Variants in LRRC4C observed in about 807,000 individuals in gnomAD.
LRRC4C encodes the protein leucine-rich repeat-containing protein 4C.
A neutral mutation model predicts 33.6 loss-of-function variants in LRRC4C; 5 were observed. That is an observed-to-expected ratio of 0.15 (90% CI 0.08 to 0.31). LRRC4C has a LOEUF of 0.31. Among genes scored for constraint, LRRC4C ranks in the 10% least tolerant of loss-of-function variants. The pLI, the probability that LRRC4C is intolerant of heterozygous loss-of-function variation, is 1.00. For synonymous variants in LRRC4C, 329 were observed against 302.0 expected (o/e 1.09, Z -0.93); for missense variants, 560 against 796.7 (o/e 0.70, Z 3.58).
At chr11:40,127,490 G>A (rs886662197) in intron 6 of LRRC4C, among the ~76,000 whole-genome samples, 3 of 152,024 alleles carry the variant, frequency 2.0e-5, no homozygotes, top group African/African-American at 7.2e-5. Flanking sequence ...GAGGGGCACT[G>A]CAAGCCTAAC....
At chr11:41,363,082 C>A (rs1900524) in intron 1 of LRRC4C, among the ~76,000 whole-genome samples, 26,532 of 152,166 alleles carry the variant, frequency 0.17, 2,654 homozygotes, top group East Asian at 0.43. Context: ...TCCTGTCCAT[C>A]ATGATGTCAC....
chr11:40,841,436 A>C (rs1952907803), intron 2 of LRRC4C, among the ~76,000 whole-genome samples: 1 of 152,210 alleles, frequency 6.6e-6, no homozygotes, highest in South Asian at 2.1e-4. Context: ...CCTCTAAAGG[A>C]AGTAATTCAG....
chr11:40,481,848 A>T (rs897354336), intron 3 of LRRC4C, among the ~76,000 whole-genome samples: 3 of 152,218 alleles, frequency 2.0e-5, no homozygotes, highest in African/African-American at 7.2e-5. Flanking sequence ...ACAAAATAAA[A>T]TGTCTTTAAA....
chr11:40,803,928 T>C (rs532279352), intron 2 of LRRC4C, among the ~76,000 whole-genome samples: 1 of 152,352 alleles, frequency 6.6e-6, no homozygotes, highest in South Asian at 2.1e-4. Context: ...AATCCAATTG[T>C]ACTTTTTTAG....
At position 40,984,893 on chromosome 11, in the gene LRRC4C, C is replaced by CTTTTTTTTTTTTTTTTTTTTTTTTTTT. The variant is rs562785410; in HGVS notation, c.-495-51171_-495-51170insAAAAAAAAAAAAAAAAAAAAAAAAAAA. 1.1e-4 allele frequency among the ~76,000 whole-genome samples: 6 copies of CTTTTTTTTTTTTTTTTTTTTTTTTTTT among 52,270 alleles called. 2 individuals carry two copies. The highest frequency in any genetic ancestry group is 6.1e-4 in the Admixed American group (2 of 3,276). 34.3% of individuals were successfully genotyped at this position (52,270 alleles called of 152,430 possible). On this transcript the variant is annotated intron_variant, in intron 1 of 6. Coordinates refer to ENST00000528697, the MANE Select transcript of LRRC4C (RefSeq NM_001258419.2). ...CACGACAACTCTGTTCTCACTGACA[C>CTTTTTTTTTTTTTTTTTTTTTTTTTTT]TTTTTTTTTTTTTTTTTTTTTTTTT...
intron 1 of LRRC4C, among the ~76,000 whole-genome samples, chr11:41,207,204 T>G (rs1163440688): frequency 8.5e-5 from 13 of 152,124 alleles, no homozygotes; most frequent in Non-Finnish European, 1.6e-4. Flanking sequence ...TACAATCACA[T>G]GGGGAGATTT....
intron 1 of LRRC4C, among the ~76,000 whole-genome samples, chr11:41,279,422 A>ACCC (rs1178054658): frequency 1.4e-5 from 2 of 138,424 alleles, no homozygotes; most frequent in Admixed American, 7.3e-5. Context: ...ACACACACAC[A>ACCC]CACACACCGT....
At chr11:40,400,462 T>C (rs1237514000) in intron 3 of LRRC4C, among the ~76,000 whole-genome samples, 1 of 152,144 alleles carries the variant, frequency 6.6e-6, no homozygotes, top group Non-Finnish European at 1.5e-5. Context: ...TATCTCTCTA[T>C]TTATAGTAAT....
At chr11:40,869,712 G>C (rs1052723559) in intron 2 of LRRC4C, among the ~76,000 whole-genome samples, 4 of 152,116 alleles carry the variant, frequency 2.6e-5, no homozygotes, top group African/African-American at 7.2e-5. Context: ...CTCACCCCAA[G>C]AGAAGAATCA....
chr11:41,235,610 G>A (rs748084556), intron 1 of LRRC4C, among the ~76,000 whole-genome samples: 26 of 152,122 alleles, frequency 1.7e-4, no homozygotes, highest in East Asian at 1.9e-4. Flanking sequence ...CAACCAGTAC[G>A]TCTGAAAATT....
At chr11:41,075,027 T>TATTTTATTTTTTA (rs1555064841) in intron 1 of LRRC4C, among the ~76,000 whole-genome samples, 3 of 102,974 alleles carry the variant, frequency 2.9e-5, no homozygotes, top group African/African-American at 4.4e-5. Context: ...TTTTTTTTTT[T>TATTTTATTTTTTA]TTTTTTTTTA....
At chr11:40,860,536 C>A (rs570452434) in intron 2 of LRRC4C, among the ~76,000 whole-genome samples, 1 of 152,278 alleles carries the variant, frequency 6.6e-6, no homozygotes, top group South Asian at 2.1e-4. Flanking sequence ...GCCAAGCGAT[C>A]TTTGGAGTCC....
chr11:40,581,452 G>A lies in LRRC4C; in HGVS notation c.-270+66690C>T, dbSNP rs546272546. On this transcript the variant is annotated intron_variant, in intron 3 of 6. Transcript: ENST00000528697. Reference sequence around the variant, plus strand: ...TAAACCTCGCTCATGTTCTTAGCAGGGTTGCAGCTCATTCTTTTTCTTTGT... The same window carrying A: ...TAAACCTCGCTCATGTTCTTAGCAGAGTTGCAGCTCATTCTTTTTCTTTGT... 2.0e-5 allele frequency among the ~76,000 whole-genome samples: 3 copies of A among 152,154 alleles called. No homozygotes were observed. In the South Asian group the frequency reaches 6.2e-4, roughly 32 times the overall value.
chr11:40,904,332 T>C (rs1956329503), intron 2 of LRRC4C, among the ~76,000 whole-genome samples: 1 of 152,190 alleles, frequency 6.6e-6, no homozygotes, highest in South Asian at 2.1e-4. Flanking sequence ...AAACCCAATC[T>C]ACACAGCTTT....
chr11:41,096,188 A>G (rs1359558372), intron 1 of LRRC4C, among the ~76,000 whole-genome samples: 1 of 152,184 alleles, frequency 6.6e-6, no homozygotes, highest in Admixed American at 6.5e-5. Context: ...TATATTTACA[A>G]AGCACAGAAT....
At chr11:40,642,014 C>T (rs888855051) in intron 3 of LRRC4C, among the ~76,000 whole-genome samples, 2 of 135,728 alleles carry the variant, frequency 1.5e-5, no homozygotes, top group African/African-American at 5.5e-5. Flanking sequence ...CTTGTCACCA[C>T]AGGCTGCTTT....
At chr11:40,644,663 A>G (rs573874111) in intron 3 of LRRC4C, among the ~76,000 whole-genome samples, 1 of 152,236 alleles carries the variant, frequency 6.6e-6, no homozygotes, top group African/African-American at 2.4e-5. Flanking sequence ...AATGCCCATA[A>G]GCCACATACT....
intron 3 of LRRC4C, among the ~76,000 whole-genome samples, chr11:40,620,235 A>T (rs1962319464): frequency 6.6e-6 from 1 of 151,624 alleles, no homozygotes; most frequent in Admixed American, 6.6e-5. Flanking sequence ...CCATCCCATT[A>T]TATGTTTAAG....
intron 6 of LRRC4C, among the ~76,000 whole-genome samples, chr11:40,121,482 T>C (rs761278971): frequency 5.9e-5 from 9 of 152,236 alleles, no homozygotes; most frequent in Non-Finnish European, 1.3e-4. Flanking sequence ...CTTCAACATC[T>C]CTTTCATGAT....
Sources: allele counts gnomAD v4.1 joint callset (sites outside exome capture counted in the v4.1 genomes callset), GRCh38; gene constraint gnomAD v4.1.1; transcripts MANE v1.5; gene names NCBI Gene and HGNC (gene_info 2026-07-23, HGNC 2026-07-21).